Variants in COP1 observed in about 807,000 individuals in gnomAD.
COP1 encodes the protein E3 ubiquitin-protein ligase COP1.
In COP1, 24 loss-of-function variants were observed where a neutral mutation model predicts 101.3. The observed-to-expected ratio is 0.24, with a 90% CI of 0.17 to 0.33. The LOEUF (loss-of-function observed/expected upper bound fraction) is 0.33. Ranked by LOEUF, COP1 falls within the 10% of genes least tolerant of loss-of-function variation. COP1 has a pLI of 1.00. For missense variants in COP1, 663 were observed against 906.2 expected, an observed-to-expected ratio of 0.73 and a Z score of 3.45; for synonymous variants, 347 against 341.9, an observed-to-expected ratio of 1.01 and a Z score of -0.17.
chr1:176,145,860 C>T (rs771286770), intron 6 of COP1, among the ~76,000 whole-genome samples: 1 of 152,042 alleles, frequency 6.6e-6, no homozygotes, highest in Non-Finnish European at 1.5e-5. Context: ...ATATTGGTTA[C>T]CTAATGGGCA....
intron 15 of COP1, among the ~76,000 whole-genome samples, chr1:176,008,737 G>C (rs558457965): frequency 3.0e-4 from 45 of 152,228 alleles, no homozygotes; most frequent in South Asian, 1.0e-3. Flanking sequence ...TTTGCTATTG[G>C]CGGTGTTGCT....
chr1:176,059,779 T>C (rs1050521520), intron 11 of COP1, among the ~76,000 whole-genome samples: 1 of 152,144 alleles, frequency 6.6e-6, no homozygotes, highest in African/African-American at 2.4e-5. Flanking sequence ...TTGATATCTA[T>C]TAATTTTATG....
Position 176,081,293 on chromosome 1 carries a change from T to TAAA in COP1, c.1142-7_1142-6insTTT. 6.7e-7 allele frequency: 1 copy of TAAA among 1,487,284 alleles called. No individual in the cohort carries two copies. The highest frequency in any genetic ancestry group is 8.9e-7 in the Non-Finnish European group (1 of 1,122,508). The allele number at this position is 1,487,284 out of a possible 1,614,324, so 92.1% of individuals were successfully genotyped here. A position where few individuals can be genotyped will look rare whatever the true frequency, so the allele number is the denominator to read the frequency against. On this transcript the variant is annotated splice_region_variant and splice_polypyrimidine_tract_variant and intron_variant, in intron 10 of 19. Coordinates refer to ENST00000367669, the MANE Select transcript of COP1 (RefSeq NM_022457.7). ...GCTTGCAGTTCGACTGTCATCTATA[T>TAAA]GAAAAAAAAAAAAAAAAGACAAAAC...
intron 15 of COP1, among the ~76,000 whole-genome samples, chr1:176,016,729 A>C (rs1449395676): frequency 6.6e-6 from 1 of 151,910 alleles, no homozygotes; most frequent in Non-Finnish European, 1.5e-5. Context: ...TTTATGAATG[A>C]CTCTTTTTTT....
chr1:176,063,560 C>T (rs1048786039), intron 11 of COP1, among the ~76,000 whole-genome samples: 4 of 152,070 alleles, frequency 2.6e-5, no homozygotes, highest in Non-Finnish European at 5.9e-5. Flanking sequence ...TTTATAACTC[C>T]ACAAGTTATC....
chr1:176,029,476 T>C (rs1456875664), intron 14 of COP1, among the ~76,000 whole-genome samples: 5 of 152,202 alleles, frequency 3.3e-5, no homozygotes, highest in Non-Finnish European at 7.3e-5. Flanking sequence ...ACCCATAAAA[T>C]AGATTTTCAG....
chr1:175,983,141 ATACT>A (rs34576043), intron 18 of COP1, among the ~76,000 whole-genome samples: 114,270 of 151,814 alleles, frequency 0.75, 44,905 homozygotes, highest in East Asian at 0.92. Context: ...TACCCCATAA[ATACT>A]TACAATTATT....
intron 9 of COP1, among the ~76,000 whole-genome samples, chr1:176,094,195 A>G (rs1202650018): frequency 2.6e-5 from 4 of 152,134 alleles, no homozygotes; most frequent in African/African-American, 4.8e-5. Flanking sequence ...TTTTTATAGT[A>G]AACTCATTTT....
intron 1 of COP1, among the ~76,000 whole-genome samples, chr1:176,191,531 T>A (rs890601330): frequency 6.6e-6 from 1 of 151,732 alleles, no homozygotes. Context: ...AAAAGCAGCA[T>A]CCAAATTCAA....
intron 18 of COP1, chr1:175,968,546 T>C: frequency 1.9e-6 from 1 of 513,510 alleles, no homozygotes; most frequent in Non-Finnish European, 3.9e-6. Flanking sequence ...CCATTTCTGG[T>C]GTGCTTCATT....
chr1:175,991,286 A>G (rs1306047368), intron 15 of COP1, among the ~76,000 whole-genome samples: 1 of 152,188 alleles, frequency 6.6e-6, no homozygotes, highest in Non-Finnish European at 1.5e-5. Context: ...AAACCTATGT[A>G]TCATGTTACT....
chr1:176,017,236 G>A (rs1009156827), intron 15 of COP1: 3 of 152,162 alleles, frequency 2.0e-5, no homozygotes, highest in Non-Finnish European at 2.9e-5. Flanking sequence ...TCTAGACTGT[G>A]TGCCAAAAAG....
chr1:176,051,132 C>T (rs760971292), intron 11 of COP1, among the ~76,000 whole-genome samples: 62 of 152,146 alleles, frequency 4.1e-4, no homozygotes, highest in Middle Eastern at 3.4e-3. Flanking sequence ...ATGCAAATGT[C>T]AAATGATAGG....
At chr1:176,152,124 C>T (rs868397538) in intron 5 of COP1, among the ~76,000 whole-genome samples, 2 of 152,080 alleles carry the variant, frequency 1.3e-5, no homozygotes, top group African/African-American at 4.8e-5. Flanking sequence ...CACCCCATCT[C>T]TACAAAAAAT....
Position 176,206,784 on chromosome 1 carries a change from C to T in COP1, c.195G>A (p.Val65=). 1 of 1,409,962 alleles carries T rather than the reference C, an allele frequency of 7.1e-7. No homozygotes were observed. The highest frequency in any genetic ancestry group is 9.2e-7 in the Non-Finnish European group (1 of 1,092,646). The allele number at this position is 1,409,962 out of a possible 1,614,324, so 87.3% of individuals were successfully genotyped here. A position where few individuals can be genotyped will look rare whatever the true frequency, so the allele number is the denominator to read the frequency against. The change falls in exon 1 of 20, where the codon GTG becomes GTA. Residue 65 remains valine, a synonymous_variant. Coordinates refer to ENST00000367669, the MANE Select transcript of COP1 (RefSeq NM_022457.7). ...AAGSGGLGGP[V]RPVLVAPAVS... The stretch of plus-strand genomic sequence containing the variant: ...CGGCGGGCGCCACCAACACAGGCCG[C>T]ACCGGGCCCCCGAGGCCGCCCGAGC...
chr1:176,121,967 C>T (rs1208692368), intron 8 of COP1, among the ~76,000 whole-genome samples: 2 of 151,726 alleles, frequency 1.3e-5, no homozygotes, highest in Non-Finnish European at 2.9e-5. Flanking sequence ...AGTGAAACCC[C>T]GTCTCTACTA....
At chr1:176,192,959 A>G (rs1317306676) in intron 1 of COP1, among the ~76,000 whole-genome samples, 7 of 152,210 alleles carry the variant, frequency 4.6e-5, no homozygotes, top group Non-Finnish European at 1.0e-4. Context: ...CAATTAAACT[A>G]GTCTTCTATT....
chr1:176,121,723 C>T (rs548313944), intron 8 of COP1, among the ~76,000 whole-genome samples: 3 of 152,244 alleles, frequency 2.0e-5, no homozygotes, highest in African/African-American at 7.2e-5. Flanking sequence ...CTCTCATTGC[C>T]TGTTTAGAAA....
At chr1:176,166,938 A>C (rs1419129140) in intron 3 of COP1, among the ~76,000 whole-genome samples, 1 of 152,200 alleles carries the variant, frequency 6.6e-6, no homozygotes, top group Non-Finnish European at 1.5e-5. Context: ...CGCTGTCTCA[A>C]AAAAATAAAA....
Sources: gnomAD v4.1 joint callset for allele counts (sites outside exome capture counted in the v4.1 genomes callset) on GRCh38, gnomAD v4.1.1 for gene constraint, MANE v1.5 for transcripts, NCBI Gene and HGNC (gene_info 2026-07-23, HGNC 2026-07-21) for gene names.